Variants in PTPRD observed in about 807,000 individuals in gnomAD.
PTPRD encodes the protein protein tyrosine phosphatase receptor type D, also known as receptor-type tyrosine-protein phosphatase delta.
PTPRD carries 34 observed loss-of-function variants against 214.5 expected under a neutral mutation model. That is an observed-to-expected ratio of 0.16 (90% confidence interval 0.12 to 0.21). PTPRD has a LOEUF of 0.21. Ranked by LOEUF, PTPRD falls within the 10% of genes least tolerant of loss-of-function variation. The probability of loss-of-function intolerance (pLI) is 1.00; values close to 1 mark genes in which losing one functional copy is unlikely to be tolerated. For missense variants in PTPRD, 2,545 were observed against 2,398.7 expected, an observed-to-expected ratio of 1.06 and a Z score of -1.27; for synonymous variants, 1,128 against 845.7, an observed-to-expected ratio of 1.33 and a Z score of -5.79.
intron 10 of PTPRD, among the ~76,000 whole-genome samples, chr9:9,095,059 T>C (rs548635525): frequency 2.0e-5 from 3 of 152,150 alleles, no homozygotes; most frequent in Admixed American, 6.5e-5. Context: ...CATCCATTCA[T>C]GGTAAAAACT....
intron 11 of PTPRD, among the ~76,000 whole-genome samples, chr9:8,970,615 C>A (rs958997265): frequency 2.6e-5 from 4 of 151,416 alleles, no homozygotes; most frequent in Admixed American, 1.3e-4. Context: ...AAAGAAAAAA[C>A]CACTAAAAAC....
chr9:9,521,456 A>G (rs2096970142), intron 8 of PTPRD, among the ~76,000 whole-genome samples: 1 of 152,160 alleles, frequency 6.6e-6, no homozygotes. Context: ...TTATTACTTC[A>G]GCATTTCCCA....
At chr9:9,005,658 G>A (rs555899534) in intron 11 of PTPRD, among the ~76,000 whole-genome samples, 2 of 152,114 alleles carry the variant, frequency 1.3e-5, no homozygotes, top group East Asian at 3.9e-4. Flanking sequence ...TGATGAAATT[G>A]TACCCAAGGG....
At position 8,869,276 on chromosome 9, in the gene PTPRD, T is replaced by G. The variant is rs184178301; in HGVS notation, c.-103-135330A>C. 4.1e-3 allele frequency among the ~76,000 whole-genome samples: 627 copies of G among 152,306 alleles called. 13 individuals are homozygous for G. Among genetic ancestry groups the G allele is most frequent in the Admixed American group, 0.036 (554 of 15,278 alleles). On this transcript the variant is annotated intron_variant, in intron 11 of 45. Transcript: ENST00000381196. ...TGAGAAGAAAGTATTCTTGGTGAAC[T>G]CTAAGAATAGAAAACTATCAATTTA...
intron 3 of PTPRD, among the ~76,000 whole-genome samples, chr9:10,290,054 G>A (rs2095485102): frequency 1.3e-5 from 2 of 152,180 alleles, no homozygotes; most frequent in Middle Eastern, 3.4e-3. Context: ...AAGAAAATCT[G>A]ACAGGATGAC....
At chr9:10,014,561 T>G (rs2154110953) in intron 4 of PTPRD, among the ~76,000 whole-genome samples, 1 of 152,172 alleles carries the variant, frequency 6.6e-6, no homozygotes, top group South Asian at 2.1e-4. Context: ...AATTATATTT[T>G]ATTTACATGT....
intron 39 of PTPRD, among the ~76,000 whole-genome samples, chr9:8,359,524 G>C (rs1368375396): frequency 6.6e-6 from 1 of 152,084 alleles, no homozygotes; most frequent in South Asian, 2.1e-4. Flanking sequence ...AGTAGAGACA[G>C]GGTTTCACTG....
intron 11 of PTPRD, among the ~76,000 whole-genome samples, chr9:8,776,067 T>G (rs1479991107): frequency 3.9e-5 from 6 of 152,206 alleles, no homozygotes; most frequent in Admixed American, 3.9e-4. Context: ...TCTTTGATTT[T>G]TAAAAGCAGA....
At chr9:10,228,719 T>A (rs1203236444) in intron 3 of PTPRD, among the ~76,000 whole-genome samples, 2 of 149,770 alleles carry the variant, frequency 1.3e-5, no homozygotes, top group Non-Finnish European at 3.0e-5. Flanking sequence ...ATATATTATA[T>A]GTATAAATTA....
At chr9:9,254,363 G>A (rs549172452) in intron 9 of PTPRD, among the ~76,000 whole-genome samples, 1 of 152,050 alleles carries the variant, frequency 6.6e-6, no homozygotes, top group East Asian at 2.0e-4. Flanking sequence ...GTGCTCATGG[G>A]TTACATTTGA....
chr9:9,622,710 T>C lies in PTPRD; in HGVS notation c.-286-47929A>G, dbSNP rs114585293. ...ATATATTTATAATGTTAAAATAACATAGATATATTAAGGCAAGGAGCATTT... is the reference window on the plus strand; with the variant it reads ...ATATATTTATAATGTTAAAATAACACAGATATATTAAGGCAAGGAGCATTT... On this transcript the variant is annotated intron_variant, in intron 7 of 45. Transcript: ENST00000381196. Among the ~76,000 whole-genome samples the C allele has an allele frequency of 9.2e-3, 1,396 of 152,254 alleles. 18 individuals are homozygous for C. Among genetic ancestry groups the C allele is most frequent in the African/African-American group, 0.032 (1,339 of 41,544 alleles).
At chr9:9,684,436 T>C (rs896395513) in intron 7 of PTPRD, among the ~76,000 whole-genome samples, 2 of 151,644 alleles carry the variant, frequency 1.3e-5, no homozygotes, top group African/African-American at 4.8e-5. Context: ...TCTAAAAACA[T>C]CTAACACCTT....
intron 12 of PTPRD, among the ~76,000 whole-genome samples, chr9:8,680,268 C>T (rs2097526036): frequency 6.6e-6 from 1 of 151,978 alleles, no homozygotes; most frequent in South Asian, 2.1e-4. Context: ...GAAAAGAACC[C>T]ACAGTTTTCA....
chr9:10,611,984 G>A (rs2081119719), intron 2 of PTPRD, among the ~76,000 whole-genome samples: 1 of 150,912 alleles, frequency 6.6e-6, no homozygotes, highest in Non-Finnish European at 1.5e-5. Flanking sequence ...GAGTAGGGTG[G>A]GAGTTAGCAT....
intron 9 of PTPRD, among the ~76,000 whole-genome samples, chr9:9,302,491 A>AC (rs5896317): frequency 0.87 from 131,418 of 151,712 alleles, 57,255 homozygotes; most frequent in East Asian, 1. Flanking sequence ...GATAAGGCCC[A>AC]TGTAACTTGA....
At chr9:8,619,718 T>C (rs971035659) in intron 14 of PTPRD, among the ~76,000 whole-genome samples, 2 of 151,848 alleles carry the variant, frequency 1.3e-5, no homozygotes, top group Non-Finnish European at 1.5e-5. Context: ...TAAATCTCCA[T>C]TACACAACCA....
At chr9:8,711,989 A>G (rs565664194) in intron 12 of PTPRD, among the ~76,000 whole-genome samples, 46 of 152,350 alleles carry the variant, frequency 3.0e-4, no homozygotes, top group African/African-American at 8.9e-4. Context: ...GAAATTCTGA[A>G]GTGAAGGAAC....
chr9:8,808,394 C>G (rs141530038), intron 11 of PTPRD, among the ~76,000 whole-genome samples: 1 of 150,876 alleles, frequency 6.6e-6, no homozygotes, highest in East Asian at 2.0e-4. Context: ...TTCACTAACT[C>G]TAAAATGATT....
In PTPRD at chr9:9,028,731, C is replaced by T. The variant is rs531408791; in HGVS notation, c.-142-9996G>A. ...GGGTGCAGTTCTCATGCATTAATTA[C>T]AGAAAGTAGCACATGGGAAATGCCA... On this transcript the variant is annotated intron_variant, in intron 10 of 45. Coordinates refer to ENST00000381196, the MANE Select transcript of PTPRD (RefSeq NM_002839.4). Among the ~76,000 whole-genome samples, 113 of 151,964 alleles carry T rather than the reference C, an allele frequency of 7.4e-4. No homozygotes were observed. The South Asian group carries it at 0.023, about 30-fold the overall frequency.
Sources: gnomAD v4.1 joint callset for allele counts (sites outside exome capture counted in the v4.1 genomes callset) on GRCh38, gnomAD v4.1.1 for gene constraint, MANE v1.5 for transcripts, NCBI Gene and HGNC (gene_info 2026-07-23, HGNC 2026-07-21) for gene names.